PDS5A: variants seen among roughly 807,000 people sequenced by gnomAD.
PDS5A encodes the protein PDS5 cohesin associated factor A.
PDS5A carries 42 observed loss-of-function variants against 167.1 expected under a neutral mutation model. The observed-to-expected ratio is 0.25, with a 90% CI of 0.20 to 0.33. The LOEUF is 0.33. Ranked by LOEUF, PDS5A falls within the 10% of genes least tolerant of loss-of-function variation. The pLI is 1.00. For synonymous variants in PDS5A, 553 were observed against 554.6 expected (o/e 1.00, Z 0.04); for missense variants, 1,033 against 1,605.9 (o/e 0.64, Z 6.10).
At chr4:39,858,978 A>G (rs1463110584) in intron 26 of PDS5A, among the ~76,000 whole-genome samples, 16 of 152,222 alleles carry the variant, frequency 1.1e-4, no homozygotes, top group Admixed American at 1.0e-3. Context: ...ACTGGGCTTC[A>G]TTAAAGTGAA....
chr4:39,842,909 T>TTTTATATATATATATATA (rs751901010), intron 30 of PDS5A, among the ~76,000 whole-genome samples: 10 of 92,298 alleles, frequency 1.1e-4, no homozygotes, highest in African/African-American at 3.8e-4. Context: ...TATCCTATTT[T>TTTTATATATATATATATA]TATATATATA....
chr4:39,956,037 G>A (rs1169223662), intron 2 of PDS5A, among the ~76,000 whole-genome samples: 6 of 151,620 alleles, frequency 4.0e-5, no homozygotes, highest in African/African-American at 9.7e-5. Flanking sequence ...AGGATTGCTT[G>A]AACATGGGAG....
At chr4:39,943,244 A>G (rs1727406934) in intron 2 of PDS5A, among the ~76,000 whole-genome samples, 1 of 152,064 alleles carries the variant, frequency 6.6e-6, no homozygotes, top group African/African-American at 2.4e-5. Context: ...CAAAGCATCA[A>G]AATATTTCTT....
At chr4:39,954,305 A>G (rs961176477) in intron 2 of PDS5A, among the ~76,000 whole-genome samples, 7 of 152,034 alleles carry the variant, frequency 4.6e-5, no homozygotes, top group African/African-American at 1.7e-4. Context: ...GGCTGCAATG[A>G]GCCATGACGG....
At chr4:39,925,553 C>G (rs1200291808) in intron 5 of PDS5A, among the ~76,000 whole-genome samples, 1 of 152,160 alleles carries the variant, frequency 6.6e-6, no homozygotes, top group East Asian at 1.9e-4. Context: ...CCCTTCAAAA[C>G]AAGAGCACCA....
chr4:39,890,910 C>A (rs1034647945), intron 16 of PDS5A, among the ~76,000 whole-genome samples: 1 of 152,092 alleles, frequency 6.6e-6, no homozygotes, highest in Non-Finnish European at 1.5e-5. Context: ...AGCCACCACA[C>A]ACCTGGACTA....
chr4:39,970,570 T>C (rs909482417), intron 2 of PDS5A, among the ~76,000 whole-genome samples: 1 of 151,784 alleles, frequency 6.6e-6, no homozygotes, highest in Admixed American at 6.6e-5. Context: ...CTACTTAGTT[T>C]AGATTCCTTA....
At chr4:39,908,336 A>C in intron 11 of PDS5A, 59 bp downstream of exon 11, 1 of 1,260,812 alleles carries the variant, frequency 7.9e-7, no homozygotes, top group Non-Finnish European at 1.2e-6. Flanking sequence ...AATGATACCC[A>C]ATTGTATTTA....
At chr4:39,964,422 A>G (rs1239432848) in intron 2 of PDS5A, among the ~76,000 whole-genome samples, 4 of 152,232 alleles carry the variant, frequency 2.6e-5, no homozygotes, top group African/African-American at 9.6e-5. Context: ...TAGCAATGCA[A>G]GCCAGACTCA....
intron 19 of PDS5A, 111 bp downstream of exon 19, chr4:39,876,882 C>T: frequency 1.4e-6 from 1 of 726,380 alleles, no homozygotes; most frequent in Non-Finnish European, 2.1e-6. Flanking sequence ...GCTTCTAAAT[C>T]AAAGTTGTCT....
rs1185620037 is a variant in PDS5A at position 39,824,060 on chromosome 4, G to A, written c.*1425C>T. 2.0e-5 allele frequency: 3 copies of A among 152,178 alleles called. No individual in the cohort carries two copies. Among genetic ancestry groups the A allele is most frequent in the Non-Finnish European group, 4.4e-5 (3 of 68,036 alleles). The allele number at this position is 152,178 out of a possible 1,614,324, so 9.4% of individuals were successfully genotyped here. ...AATGGAGTGAGCACATTCTGCTAGGGCTTTGCGGATGACCCTACAGTGGAC... is the reference window on the plus strand; with the variant it reads ...AATGGAGTGAGCACATTCTGCTAGGACTTTGCGGATGACCCTACAGTGGAC... On this transcript the variant is annotated 3_prime_UTR_variant, in exon 33 of 33. Coordinates refer to ENST00000303538, the MANE Select transcript of PDS5A (RefSeq NM_001100399.2).
chr4:39,926,012 ATT>A (rs941966157), intron 4 of PDS5A, 79 bp from the exon 5 acceptor site: 3 of 415,324 alleles, frequency 7.2e-6, no homozygotes, highest in African/African-American at 6.3e-5. Flanking sequence ...TAAAAAATTA[ATT>A]TTTAGAGTTA....
At position 39,879,837 on chromosome 4, in the gene PDS5A, T is replaced by C. The variant is rs1560449564; in HGVS notation, c.1887-4A>G. 1.3e-6 allele frequency: 2 copies of C among 1,540,434 alleles called. No homozygotes were observed. Among genetic ancestry groups the C allele is most frequent in the African/African-American group, 1.4e-5 (1 of 73,456 alleles). On this transcript the variant is annotated splice_region_variant and splice_polypyrimidine_tract_variant and intron_variant, in intron 17 of 32. Transcript: ENST00000303538. ...ATTCATCAATTTCACTAGTGCACTA[T>C]AAAAAGAAGAAAATATAAATCAGTA...
In PDS5A at chr4:39,900,120, T is replaced by A. The variant is rs115767016; in HGVS notation, c.1581+306A>T. ...CATGCAGTGAAAAAGAAATATGATG[T>A]TTAATGTAATTTTATCTCAAAATTT... On this transcript the variant is annotated intron_variant, in intron 14 of 32. Coordinates refer to ENST00000303538, the MANE Select transcript of PDS5A (RefSeq NM_001100399.2). Among the ~76,000 whole-genome samples, 1,453 of 152,286 alleles carry A rather than the reference T, an allele frequency of 9.5e-3. 27 individuals are homozygous for A. Among genetic ancestry groups the A allele is most frequent in the African/African-American group, 0.033 (1,384 of 41,574 alleles).
At chr4:39,937,506 C>T (rs1267113774) in intron 2 of PDS5A, among the ~76,000 whole-genome samples, 4 of 152,148 alleles carry the variant, frequency 2.6e-5, no homozygotes, top group Non-Finnish European at 4.4e-5. Context: ...CTCAACCTCC[C>T]TGGCTCAAGT....
intron 30 of PDS5A, 22 bp downstream of exon 30, chr4:39,844,634 A>C (rs956929322): frequency 8.2e-6 from 13 of 1,594,894 alleles, no homozygotes; most frequent in Non-Finnish European, 1.0e-5. Context: ...CTAGTAACAA[A>C]ATAATTGGAG....
rs2109495410 is a variant in PDS5A at position 39,841,911 on chromosome 4, C to T, written c.3657+37G>A. The T allele has an allele frequency of 4.5e-6, 5 of 1,110,424 alleles. No individual in the cohort carries two copies. The East Asian group carries it at 1.2e-4, about 26-fold the overall frequency. 68.8% of individuals were successfully genotyped at this position (1,110,424 alleles called of 1,614,324 possible). ...CCTACGGAAAAACTGTAATAATCTCCATGGAAAAAATCCACTTGTTAAATT... is the reference window on the plus strand; with the variant it reads ...CCTACGGAAAAACTGTAATAATCTCTATGGAAAAAATCCACTTGTTAAATT... On this transcript the variant is annotated intron_variant, in intron 31 of 32. Coordinates refer to ENST00000303538, the MANE Select transcript of PDS5A (RefSeq NM_001100399.2).
At position 39,877,019 on chromosome 4, in the gene PDS5A, T is replaced by A. The variant is rs532570002; in HGVS notation, c.2127A>T (p.Ile709=). The A allele has an allele frequency of 6.2e-7, 1 of 1,612,354 alleles. No individual in the cohort carries two copies. The highest frequency in any genetic ancestry group is 1.1e-5 in the South Asian group (1 of 90,790). Residue 709 remains isoleucine (I), a synonymous_variant, in exon 19 of 33, where the codon ATA becomes ATT. Coordinates refer to ENST00000303538, the MANE Select transcript of PDS5A (RefSeq NM_001100399.2). ...IQIFRNTGHK[I]ETDLPQIRST... is the part of the protein sequence containing the mutation. ...ATCGTATCTGGGGAAGGTCTGTTTC[T>A]ATTTTGTGACCTGTATTTCTAAAAA...
At chr4:39,842,107 C>A in intron 30 of PDS5A, 51 bp from the exon 31 acceptor site, 1 of 1,143,034 alleles carries the variant, frequency 8.7e-7, no homozygotes, top group South Asian at 1.3e-5. Flanking sequence ...AGAGAAAGTT[C>A]ACTCTCTCAC....
Sources: allele counts gnomAD v4.1 joint callset (sites outside exome capture counted in the v4.1 genomes callset), GRCh38; gene constraint gnomAD v4.1.1; transcripts MANE v1.5; gene names NCBI Gene and HGNC (gene_info 2026-07-23, HGNC 2026-07-21).